LMCD1: variants seen among roughly 807,000 people sequenced by gnomAD.
LMCD1 encodes the protein LIM and cysteine-rich domains protein 1.
LMCD1 carries 32 observed loss-of-function variants against 42.7 expected under a neutral mutation model. That is an observed-to-expected ratio of 0.75 (90% CI 0.57 to 1.01). LMCD1 has a LOEUF of 1.01. Ranked by LOEUF, LMCD1 falls within the 50% of genes least tolerant of loss-of-function variation. The pLI, the probability that LMCD1 is intolerant of heterozygous loss-of-function variation, is 0.00. For missense variants in LMCD1, 458 were observed against 483.1 expected (o/e 0.95, Z 0.49); for synonymous variants, 178 against 184.9 (o/e 0.96, Z 0.30).
At chr3:8,521,218 T>G (rs1694198083) in intron 1 of LMCD1, among the ~76,000 whole-genome samples, 1 of 152,120 alleles carries the variant, frequency 6.6e-6, no homozygotes, top group Admixed American at 6.5e-5. Context: ...CCTTTCCCCC[T>G]CAGTCATCTT....
intron 3 of LMCD1, among the ~76,000 whole-genome samples, chr3:8,544,568 A>G (rs1010433704): frequency 6.6e-6 from 1 of 152,130 alleles, no homozygotes; most frequent in East Asian, 1.9e-4. Context: ...GCTGTTTCCC[A>G]GAATTTATTT....
intron 1 of LMCD1, among the ~76,000 whole-genome samples, chr3:8,511,760 A>G (rs1461274119): frequency 1.3e-5 from 2 of 152,182 alleles, no homozygotes; most frequent in Admixed American, 6.5e-5. Context: ...CACATCTTTT[A>G]TCTTCTTATC....
Position 8,532,296 on chromosome 3 carries a change from G to A in LMCD1, c.43-441G>A, listed in dbSNP as rs146299602. ...TTTGGCAAAATGCACATTTGTTTGT[G>A]CCTGTAGCTTTGGTTTAATCACACT... On this transcript the variant is annotated intron_variant, in intron 1 of 5. Coordinates refer to ENST00000157600, the MANE Select transcript of LMCD1 (RefSeq NM_014583.4). 2.9e-4 allele frequency among the ~76,000 whole-genome samples: 44 copies of A among 152,330 alleles called. 1 individual carries two copies. In the East Asian group the frequency reaches 8.3e-3, roughly 29 times the overall value.
Position 8,502,282 on chromosome 3 carries a change from A to T in LMCD1, c.42+302A>T, listed in dbSNP as rs1307038. Among the ~76,000 whole-genome samples, 35 of 46,286 alleles carry T rather than the reference A, an allele frequency of 7.6e-4. No homozygotes were observed. The East Asian group carries it at 9.3e-3, about 12-fold the overall frequency. 30.4% of individuals were successfully genotyped at this position (46,286 alleles called of 152,430 possible). On this transcript the variant is annotated intron_variant, in intron 1 of 5. Coordinates refer to ENST00000157600, the MANE Select transcript of LMCD1 (RefSeq NM_014583.4). The stretch of plus-strand genomic sequence containing the variant: ...TGTATATAAAATATATATATAAAAT[A>T]TATATAATATATATTATATATAATA...
At chr3:8,546,058 G>C (rs1219024117) in intron 3 of LMCD1, among the ~76,000 whole-genome samples, 1 of 152,136 alleles carries the variant, frequency 6.6e-6, no homozygotes. Context: ...GCTTGAAGCT[G>C]GGAGGCAGAG....
At chr3:8,560,537 T>C (rs777187991) in intron 4 of LMCD1, among the ~76,000 whole-genome samples, 1 of 152,064 alleles carries the variant, frequency 6.6e-6, no homozygotes, top group Non-Finnish European at 1.5e-5. Context: ...CCCAATGGGG[T>C]GTAGTTTGGT....
chr3:8,555,295 T>C (rs1694914832), intron 4 of LMCD1, among the ~76,000 whole-genome samples: 1 of 151,976 alleles, frequency 6.6e-6, no homozygotes, highest in Non-Finnish European at 1.5e-5. Context: ...GACTTCCAAG[T>C]CTTTGTCTAA....
At position 8,567,519 on chromosome 3, in the gene LMCD1, A is replaced by G. The variant is rs1320517261; in HGVS notation, c.1019A>G (p.Gln340Arg). The change falls in exon 6 of 6, where the codon CAG becomes CGG. Residue 340 changes from glutamine to arginine, a missense_variant. Coordinates refer to ENST00000157600, the MANE Select transcript of LMCD1 (RefSeq NM_014583.4). ...CACTTTGTCTGTGAGGGTTGTGAGC[A>G]GCTGCTGAGCGGCCGGGCGTACATC... ...RKHFVCEGCE[Q>R]LLSGRAYIVT... 2 of 1,614,020 alleles carry G rather than the reference A, an allele frequency of 1.2e-6. No homozygotes were observed. Among genetic ancestry groups the G allele is most frequent in the Non-Finnish European group, 1.7e-6 (2 of 1,180,002 alleles).
rs1406103888 is a variant in LMCD1 at position 8,532,775 on chromosome 3, A to G, written c.81A>G (p.Ala27=). ...AGCTGCAGTCAGCAAGAGGTGTGGC[A>G]TGTTTGGGATGCAAGGGGACGTGTT... The part of the protein sequence containing the change: ...LGQLQSARGV[A]CLGCKGTCSG... Residue 27 remains alanine (A), a synonymous_variant, in exon 2 of 6, where the codon GCA becomes GCG. Transcript: ENST00000157600. The G allele has an allele frequency of 1.2e-6, 2 of 1,613,380 alleles. No homozygotes were observed. The highest frequency in any genetic ancestry group is 1.7e-6 in the Non-Finnish European group (2 of 1,179,794).
chr3:8,516,865 A>G (rs1195116551), intron 1 of LMCD1, among the ~76,000 whole-genome samples: 1 of 152,238 alleles, frequency 6.6e-6, no homozygotes, highest in Non-Finnish European at 1.5e-5. Flanking sequence ...AAAACACCAG[A>G]AATTTCAACC....
At chr3:8,541,757 G>A (rs1435977248) in intron 3 of LMCD1, among the ~76,000 whole-genome samples, 2 of 152,176 alleles carry the variant, frequency 1.3e-5, no homozygotes, top group Non-Finnish European at 2.9e-5. Flanking sequence ...TCAGAGCAGT[G>A]CCAGGTCGTT....
intron 3 of LMCD1, among the ~76,000 whole-genome samples, chr3:8,543,528 GC>G (rs1360316890): frequency 3.3e-5 from 5 of 152,128 alleles, no homozygotes; most frequent in Non-Finnish European, 7.4e-5. Context: ...TGCTGCCCAG[GC>G]TAGACTGCAG....
chr3:8,558,629 CT>C (rs1694971143), intron 4 of LMCD1, among the ~76,000 whole-genome samples: 1 of 152,194 alleles, frequency 6.6e-6, no homozygotes, highest in Non-Finnish European at 1.5e-5. Context: ...TTCTCCATGC[CT>C]TTTACCATAG....
At chr3:8,545,614 C>A (rs1694720714) in intron 3 of LMCD1, among the ~76,000 whole-genome samples, 1 of 152,184 alleles carries the variant, frequency 6.6e-6, no homozygotes, top group African/African-American at 2.4e-5. Flanking sequence ...GAGCCAACTT[C>A]TTGCATCAGA....
At chr3:8,543,444 C>T (rs200991147) in intron 3 of LMCD1, among the ~76,000 whole-genome samples, 1,517 of 120,510 alleles carry the variant, frequency 0.013, 6 homozygotes, top group African/African-American at 0.018. Context: ...GATAGATAGA[C>T]AGACAGACAG....
intron 4 of LMCD1, among the ~76,000 whole-genome samples, chr3:8,561,957 G>A (rs551905588): frequency 6.6e-6 from 1 of 152,266 alleles, no homozygotes; most frequent in South Asian, 2.1e-4. Context: ...ATTCTTTAGA[G>A]GATGAGAATA....
At chr3:8,567,373 C>T in intron 5 of LMCD1, 67 bp from the exon 6 acceptor site, 2 of 1,539,196 alleles carry the variant, frequency 1.3e-6, no homozygotes, top group South Asian at 2.4e-5. Context: ...TATAACTTGT[C>T]CTAGATATAC....
intron 2 of LMCD1, 73 bp from the exon 3 acceptor site, chr3:8,537,112 A>T: frequency 6.6e-7 from 1 of 1,526,390 alleles, no homozygotes; most frequent in Non-Finnish European, 8.9e-7. Context: ...AAAAGGGTAG[A>T]TGCTGCTAGC....
In LMCD1 at chr3:8,552,932, C is replaced by T. The variant is rs182600377; in HGVS notation, c.723+4029C>T. On this transcript the variant is annotated intron_variant, in intron 4 of 5. Coordinates refer to ENST00000157600, the MANE Select transcript of LMCD1 (RefSeq NM_014583.4). ...TAGAGATGGGGTTTCATCGTGTTAG[C>T]CAGGATGGTCTCGATCTCCTGACCT... Among the ~76,000 whole-genome samples, 466 of 152,262 alleles carry T rather than the reference C, an allele frequency of 3.1e-3. 3 individuals carry two copies. The highest frequency in any genetic ancestry group is 0.027 in the South Asian group (128 of 4,814).
Sources: gnomAD v4.1 joint callset for allele counts (sites outside exome capture counted in the v4.1 genomes callset) on GRCh38, gnomAD v4.1.1 for gene constraint, MANE v1.5 for transcripts, NCBI Gene and HGNC (gene_info 2026-07-23, HGNC 2026-07-21) for gene names.